Variants in KCNAB1 observed in about 807,000 individuals in gnomAD.
KCNAB1 encodes the protein voltage-gated potassium channel subunit beta-1.
KCNAB1 carries 35 observed loss-of-function variants against 64.6 expected under a neutral mutation model. That is an observed-to-expected ratio of 0.54 (90% CI 0.41 to 0.72). The LOEUF (loss-of-function observed/expected upper bound fraction) is 0.72, where lower values mean the gene tolerates loss of function less well. Among genes scored for constraint, KCNAB1 ranks in the 30% least tolerant of loss-of-function variants. The probability of loss-of-function intolerance (pLI) is 0.00; values close to 1 mark genes in which losing one functional copy is unlikely to be tolerated. For missense variants in KCNAB1, 401 were observed against 512.9 expected, an observed-to-expected ratio of 0.78 and a Z score of 2.11; for synonymous variants, 177 against 183.8, an observed-to-expected ratio of 0.96 and a Z score of 0.30.
intron 1 of KCNAB1, among the ~76,000 whole-genome samples, chr3:156,295,818 G>A (rs1720735666): frequency 2.6e-5 from 4 of 151,906 alleles, no homozygotes; most frequent in South Asian, 2.1e-4. Flanking sequence ...GGGTATTTAG[G>A]GTACACATTA....
intron 1 of KCNAB1, among the ~76,000 whole-genome samples, chr3:156,198,943 T>TTTTTTTG (rs1714144472): frequency 7.2e-6 from 1 of 138,952 alleles, no homozygotes; most frequent in African/African-American, 2.7e-5. Flanking sequence ...TTTTTTTTTT[T>TTTTTTTG]AGTGGCTGCT....
At chr3:156,509,213 A>G (rs12485831) in intron 8 of KCNAB1, among the ~76,000 whole-genome samples, 57,529 of 152,074 alleles carry the variant, frequency 0.38, 12,551 homozygotes, top group African/African-American at 0.61. Flanking sequence ...AAGAGGAAAT[A>G]TAGGAAGACG....
chr3:156,333,498 G>C (rs566662978), intron 1 of KCNAB1, among the ~76,000 whole-genome samples: 9 of 152,036 alleles, frequency 5.9e-5, no homozygotes, highest in South Asian at 2.1e-4. Context: ...ACTATTCTTT[G>C]TGTAGCTATA....
At chr3:156,155,597 G>T (rs1413928150) in intron 1 of KCNAB1, among the ~76,000 whole-genome samples, 1 of 152,112 alleles carries the variant, frequency 6.6e-6, no homozygotes, top group African/African-American at 2.4e-5. Flanking sequence ...ATTATAGACA[G>T]AAGGAACAGT....
intron 1 of KCNAB1, among the ~76,000 whole-genome samples, chr3:156,300,037 A>G (rs2107985368): frequency 6.6e-6 from 1 of 152,272 alleles, no homozygotes; most frequent in South Asian, 2.1e-4. Context: ...TAAAAGATTA[A>G]AAAACAAGAA....
intron 1 of KCNAB1, among the ~76,000 whole-genome samples, chr3:156,323,499 G>A (rs1007110843): frequency 2.0e-5 from 3 of 152,086 alleles, no homozygotes; most frequent in African/African-American, 7.2e-5. Flanking sequence ...CATTCTGTCT[G>A]TACATTGACC....
At chr3:156,376,947 A>G (rs1711720997) in intron 1 of KCNAB1, among the ~76,000 whole-genome samples, 1 of 152,200 alleles carries the variant, frequency 6.6e-6, no homozygotes, top group Non-Finnish European at 1.5e-5. Context: ...TTTCCCATTT[A>G]GGAGTGGGAC....
chr3:156,291,761 G>A (rs1244632851), intron 1 of KCNAB1: 6 of 1,469,536 alleles, frequency 4.1e-6, no homozygotes, highest in East Asian at 2.5e-5. Flanking sequence ...TCGAAAGTCA[G>A]CCGCCAGGAC....
chr3:156,484,143 C>T (rs1715031372), intron 8 of KCNAB1, among the ~76,000 whole-genome samples: 1 of 152,044 alleles, frequency 6.6e-6, no homozygotes, highest in African/African-American at 2.4e-5. Context: ...TTTCTCTCCT[C>T]CCTCCCCCAC....
intron 12 of KCNAB1, among the ~76,000 whole-genome samples, chr3:156,530,387 T>C (rs951369020): frequency 1.3e-5 from 2 of 152,152 alleles, no homozygotes; most frequent in African/African-American, 2.4e-5. Context: ...CTTGATTTTC[T>C]ATAGACATTA....
chr3:156,152,391 G>C (rs563821463), intron 1 of KCNAB1, among the ~76,000 whole-genome samples: 1 of 152,312 alleles, frequency 6.6e-6, no homozygotes, highest in Non-Finnish European at 1.5e-5. Flanking sequence ...CCAAGAGGCT[G>C]AAGTGGCAGC....
Position 156,312,703 on chromosome 3 carries a change from C to CAAA in KCNAB1, c.276-108887_276-108885dup, listed in dbSNP as rs397991453. ...CTAGGTGACAGAGTGAGACTGTCTC[C>CAAA]AAAAAAAAAAAAAAAAAAAAAAAAA... On this transcript the variant is annotated intron_variant, in intron 1 of 13. Coordinates refer to ENST00000490337, the MANE Select transcript of KCNAB1 (RefSeq NM_172160.3). Among the ~76,000 whole-genome samples, 150 of 27,422 alleles carry CAAA rather than the reference C, an allele frequency of 5.5e-3. 24 individuals carry two copies. The highest frequency in any genetic ancestry group is 0.016 in the African/African-American group (135 of 8,428). The allele number at this position is 27,422 out of a possible 152,430, so 18.0% of individuals were successfully genotyped here. A position where few individuals can be genotyped will look rare whatever the true frequency, so the allele number is the denominator to read the frequency against.
chr3:156,178,759 T>C lies in KCNAB1; in HGVS notation c.275+57873T>C, dbSNP rs530588286. 2.2e-3 allele frequency among the ~76,000 whole-genome samples: 341 copies of C among 152,212 alleles called. 3 individuals carry two copies. Among genetic ancestry groups the C allele is most frequent in the African/African-American group, 7.9e-3 (329 of 41,504 alleles). ...GCTCACGCCTGTAATCCTAGCACTT[T>C]GGGAGGCCGAGACGGGCGGATCACG... On this transcript the variant is annotated intron_variant, in intron 1 of 13. Coordinates refer to ENST00000490337, the MANE Select transcript of KCNAB1 (RefSeq NM_172160.3).
At chr3:156,296,102 G>A (rs1720758377) in intron 1 of KCNAB1, among the ~76,000 whole-genome samples, 1 of 152,134 alleles carries the variant, frequency 6.6e-6, no homozygotes, top group Non-Finnish European at 1.5e-5. Context: ...TCATTACACT[G>A]TGTTAGTTTG....
At chr3:156,133,752 A>T (rs1714132674) in intron 1 of KCNAB1, among the ~76,000 whole-genome samples, 1 of 152,250 alleles carries the variant, frequency 6.6e-6, no homozygotes, top group African/African-American at 2.4e-5. Context: ...GAAGAGAAGC[A>T]TCAGGAAAAA....
chr3:156,475,011 T>C (rs1714238797), intron 8 of KCNAB1, among the ~76,000 whole-genome samples, 191 bp downstream of exon 8: 1 of 152,196 alleles, frequency 6.6e-6, no homozygotes, highest in African/African-American at 2.4e-5. Context: ...TGCGTCTTCT[T>C]CTTTTAAAGC....
chr3:156,294,206 G>A (rs933592917), intron 1 of KCNAB1, among the ~76,000 whole-genome samples: 4 of 152,158 alleles, frequency 2.6e-5, no homozygotes, highest in Admixed American at 2.6e-4. Context: ...AGCAAGGTTC[G>A]CTTGGGCACC....
intron 8 of KCNAB1, among the ~76,000 whole-genome samples, chr3:156,480,014 G>A (rs1247349636): frequency 2.0e-5 from 3 of 152,010 alleles, no homozygotes; most frequent in African/African-American, 7.2e-5. Flanking sequence ...ATGCCAGAAA[G>A]CAAAAAACAT....
chr3:156,504,963 C>T (rs1490245704), intron 8 of KCNAB1, among the ~76,000 whole-genome samples: 3 of 151,870 alleles, frequency 2.0e-5, no homozygotes, highest in Non-Finnish European at 4.4e-5. Flanking sequence ...TGAGGTCTTT[C>T]CCATAAAATC....
Sources: gnomAD v4.1 joint callset for allele counts (sites outside exome capture counted in the v4.1 genomes callset) on GRCh38, gnomAD v4.1.1 for gene constraint, MANE v1.5 for transcripts, NCBI Gene and HGNC (gene_info 2026-07-23, HGNC 2026-07-21) for gene names.